Variants in ABCC3 observed in about 807,000 individuals in gnomAD.
ABCC3 encodes the protein ATP-binding cassette sub-family C member 3.
ABCC3 carries 121 observed loss-of-function variants against 165.3 expected under a neutral mutation model. The observed-to-expected ratio is 0.73, with a 90% CI of 0.63 to 0.85. The LOEUF (loss-of-function observed/expected upper bound fraction) is 0.85, where lower values mean the gene tolerates loss of function less well. Ranked by LOEUF, ABCC3 falls within the 40% of genes least tolerant of loss-of-function variation. ABCC3 has a pLI of 0.00. For missense variants in ABCC3, 1,869 were observed against 1,964.1 expected, an observed-to-expected ratio of 0.95 and a Z score of 0.92; for synonymous variants, 733 against 810.1, an observed-to-expected ratio of 0.90 and a Z score of 1.62.
At chr17:50,655,056 C>T (rs1196759652) in intron 1 of ABCC3, among the ~76,000 whole-genome samples, 1 of 129,944 alleles carries the variant, frequency 7.7e-6, no homozygotes, top group South Asian at 2.6e-4. Context: ...GCCGAGATTG[C>T]GCCACTGCAC....
intron 25 of ABCC3, chr17:50,678,950 T>G (rs1326983869): frequency 6.6e-6 from 1 of 151,716 alleles, no homozygotes; most frequent in African/African-American, 2.4e-5. Context: ...CCAGAGGAGT[T>G]TTCTTGCTTT....
intron 30 of ABCC3, chr17:50,688,609 G>A (rs1968065130): frequency 6.6e-6 from 1 of 152,268 alleles, no homozygotes; most frequent in South Asian, 2.1e-4. Context: ...AATGAGGGCT[G>A]GGCACAGTGG....
rs140132843 is a variant in ABCC3 at position 50,663,989 on chromosome 17, G to A, written c.1216G>A (p.Val406Met). Residue 406 changes from valine (V) to methionine (M), a missense_variant, in exon 10 of 31, where the codon GTG (valine) becomes ATG (methionine). Physicochemically the swap from Val to Met is conservative, Grantham distance 21 (BLOSUM62 1). Coordinates refer to ENST00000285238, the MANE Select transcript of ABCC3 (RefSeq NM_003786.4). The stretch of plus-strand genomic sequence containing the variant: ...CAACTCAGTCAAACGTGCGTCCACT[G>A]TGGGGGAAATTGTCAACCTCATGTC... ...ITNSVKRAST[V>M]GEIVNLMSVD... The A allele has an allele frequency of 2.1e-5, 34 of 1,614,188 alleles. No individual in the cohort carries two copies. The African/African-American group carries it at 3.2e-4, about 15-fold the overall frequency.
chr17:50,652,007 A>G (rs1967123646), intron 1 of ABCC3, among the ~76,000 whole-genome samples: 1 of 152,226 alleles, frequency 6.6e-6, no homozygotes, highest in Non-Finnish European at 1.5e-5. Context: ...CAAACCAACA[A>G]TATTCTTATT....
rs1466694063 is a variant in ABCC3 at position 50,669,548 on chromosome 17, C to T, written c.2241+20C>T. On this transcript the variant is annotated intron_variant, in intron 17 of 30. Transcript: ENST00000285238. Reference sequence around the variant, plus strand: ...GAGAAGGTACAGAGTCCTCTTCCATCCCTAAGAGGCTAGGGCATAGAGCTG... The same window carrying T: ...GAGAAGGTACAGAGTCCTCTTCCATTCCTAAGAGGCTAGGGCATAGAGCTG... The T allele has an allele frequency of 2.5e-6, 4 of 1,611,928 alleles. No individual in the cohort carries two copies. The highest frequency in any genetic ancestry group is 1.1e-5 in the South Asian group (1 of 91,034).
chr17:50,676,488 C>T lies in ABCC3; in HGVS notation c.3278C>T (p.Ser1093Phe). The change falls in exon 23 of 31, where the codon TCC becomes TTC. Residue 1093 changes from serine to phenylalanine, a missense_variant. Transcript: ENST00000285238. Reference sequence around the variant, plus strand: ...CCTGTCATCCTCATGCTGCTCAATTCCTTCTTCAACGCCATCTCCACTCTT... The same window carrying T: ...CCTGTCATCCTCATGCTGCTCAATTTCTTCTTCAACGCCATCTCCACTCTT... ...LAPVILMLLN[S>F]FFNAISTLVV... 1 of 1,614,014 alleles carries T rather than the reference C, an allele frequency of 6.2e-7. No individual in the cohort carries two copies. Among genetic ancestry groups the T allele is most frequent in the Non-Finnish European group, 8.5e-7 (1 of 1,180,010 alleles).
In ABCC3 at chr17:50,667,890, G is replaced by A. The variant is rs759429326; in HGVS notation, c.1663G>A (p.Val555Met). The A allele has an allele frequency of 2.2e-5, 35 of 1,613,988 alleles. No individual in the cohort carries two copies. The highest frequency in any genetic ancestry group is 4.5e-5 in the East Asian group (2 of 44,890). ...LVTLITLWVY[V>M]YVDPNNVLDA... is the part of the protein sequence containing the mutation. ...GACCCTGATCACCCTCTGGGTGTAC[G>A]TGTACGTGGACCCAAACAATGTGCT... The change falls in exon 13 of 31, where the codon GTG (valine) becomes ATG (methionine). Residue 555 changes from valine (V) to methionine (M), a missense_variant. Coordinates refer to ENST00000285238, the MANE Select transcript of ABCC3 (RefSeq NM_003786.4).
chr17:50,643,472 C>T (rs1780360777), intron 1 of ABCC3: 6 of 450,418 alleles, frequency 1.3e-5, no homozygotes, highest in South Asian at 9.4e-5. Flanking sequence ...CAATGAAATG[C>T]CCCCAGGCAG....
rs1252688743 is a variant in ABCC3, at chr17:50,667,901, C to T, written c.1674C>T (p.Asp558=). 1.2e-6 allele frequency: 2 copies of T among 1,614,018 alleles called. No homozygotes were observed. Among genetic ancestry groups the T allele is most frequent in the Non-Finnish European group, 1.7e-6 (2 of 1,180,014 alleles). ...CCCTCTGGGTGTACGTGTACGTGGACCCAAACAATGTGCTGGACGCCGAGA... is the reference window on the plus strand; with the variant it reads ...CCCTCTGGGTGTACGTGTACGTGGATCCAAACAATGTGCTGGACGCCGAGA... ...LITLWVYVYV[D]PNNVLDAEKA... is the part of the protein sequence containing the mutation. The change falls in exon 13 of 31, where the codon GAC becomes GAT. Residue 558 remains aspartate (D), a synonymous_variant. Transcript: ENST00000285238.
At position 50,657,176 on chromosome 17, in the gene ABCC3, A is replaced by C. The variant is rs1246144041; in HGVS notation, c.479A>C (p.Lys160Thr). 6.2e-7 allele frequency: 1 copy of C among 1,613,936 alleles called. No homozygotes were observed. The change falls in exon 4 of 31, where the codon AAG becomes ACG. Residue 160 changes from lysine to threonine, a missense_variant. Coordinates refer to ENST00000285238, the MANE Select transcript of ABCC3 (RefSeq NM_003786.4). ...VPFRSKILLAKAEGEISDPFR... is the reference protein window; with the variant it reads ...VPFRSKILLATAEGEISDPFR... ...TTCCGCTCCAAGATCCTTTTAGCCA[A>C]GGCAGAGGTAAGGTTGGGGGAGAGG...
rs372718976 is a variant in ABCC3, at chr17:50,688,068, C to T, written c.4475+338C>T. Reference sequence around the variant, plus strand: ...CTGGGATTACAGGCGTGCACCACCACATCCGGCTAATTTTTGTATTTTTAG... The same window carrying T: ...CTGGGATTACAGGCGTGCACCACCATATCCGGCTAATTTTTGTATTTTTAG... On this transcript the variant is annotated intron_variant, in intron 30 of 30. Transcript: ENST00000285238. 2.0e-5 allele frequency among the ~76,000 whole-genome samples: 3 copies of T among 152,128 alleles called. No homozygotes were observed. The East Asian group carries it at 5.8e-4, about 29-fold the overall frequency.
intron 13 of ABCC3, 74 bp downstream of exon 13, chr17:50,668,083 G>A (rs1234492680): frequency 1.7e-5 from 22 of 1,310,176 alleles, no homozygotes; most frequent in Non-Finnish European, 2.3e-5. Flanking sequence ...GTCACTTAGG[G>A]CAAGGGATAA....
chr17:50,663,283 C>T (rs902739103), intron 8 of ABCC3: 2 of 216,348 alleles, frequency 9.2e-6, no homozygotes, highest in African/African-American at 2.3e-5. Context: ...TGGATTTGAG[C>T]GGCAAGAGTC....
In ABCC3 at chr17:50,664,043, G is replaced by GC. The variant is rs1967465150; in HGVS notation, c.1275dup (p.Phe426LeufsTer68). The GC allele has an allele frequency of 6.2e-7, 1 of 1,614,074 alleles. No individual in the cohort carries two copies. The highest frequency in any genetic ancestry group is 1.3e-5 in the African/African-American group (1 of 74,928). ...GGATGCCCAGCGCTTCATGGACCTT[G>GC]CCCCCTTCCTCAATCTGCTGTGGTC... On this transcript the variant is annotated frameshift_variant, in exon 10 of 31. Coordinates refer to ENST00000285238, the MANE Select transcript of ABCC3 (RefSeq NM_003786.4). LOFTEE classifies it high-confidence loss of function.
In ABCC3 at chr17:50,658,499, G is replaced by A; in HGVS notation, c.674+3G>A. ...CTGTTTTTCTGGTGGTTCACAAAGT[G>A]AGTTGGCTCTTCCACCAGCCAGGCC... is the stretch of plus-strand genomic sequence containing the variant. On this transcript the variant is annotated splice_donor_region_variant and intron_variant, in intron 6 of 30. Transcript: ENST00000285238. The A allele has an allele frequency of 6.2e-7, 1 of 1,613,604 alleles. No individual in the cohort carries two copies. The highest frequency in any genetic ancestry group is 8.5e-7 in the Non-Finnish European group (1 of 1,179,464).
At chr17:50,670,016 G>A (rs919650200) in intron 17 of ABCC3, among the ~76,000 whole-genome samples, 67 of 152,150 alleles carry the variant, frequency 4.4e-4, no homozygotes, top group African/African-American at 1.4e-3. Context: ...GGCTGGCTCA[G>A]GAGATCCTCC....
chr17:50,639,271 C>A (rs145017438), intron 1 of ABCC3, among the ~76,000 whole-genome samples: 1 of 152,152 alleles, frequency 6.6e-6, no homozygotes, highest in Non-Finnish European at 1.5e-5. Context: ...CCTCTGAGCT[C>A]TTGGCTTCTG....
rs1597844931 is a variant in ABCC3 at position 50,654,956 on chromosome 17, C to T, written c.46-876C>T. On this transcript the variant is annotated intron_variant, in intron 1 of 30. Coordinates refer to ENST00000285238, the MANE Select transcript of ABCC3 (RefSeq NM_003786.4). ...AAAATACAAAAAAAAAAAAATTAGC[C>T]GGGCGTAGTGGTGGGCACCTGTAGT... Among the ~76,000 whole-genome samples the T allele has an allele frequency of 2.0e-5, 3 of 149,484 alleles. 1 individual carries two copies.
At chr17:50,677,048 A>G (rs552831276) in intron 23 of ABCC3, among the ~76,000 whole-genome samples, 2 of 152,202 alleles carry the variant, frequency 1.3e-5, no homozygotes, top group Non-Finnish European at 2.9e-5. Context: ...CGCCCAGCTA[A>G]TTTTTGTAGT....
Sources: allele counts gnomAD v4.1 joint callset (sites outside exome capture counted in the v4.1 genomes callset), GRCh38; gene constraint gnomAD v4.1.1; transcripts MANE v1.5; gene names NCBI Gene and HGNC (gene_info 2026-07-23, HGNC 2026-07-21).